The following FBXL13 variants were observed in gnomAD, a reference collection of about 807,000 sequenced individuals.
The protein encoded by FBXL13 is F-box and leucine rich repeat protein 13, also known as F-box and leucine-rich repeat protein 13.
Under a neutral mutation model 83.6 loss-of-function variants are expected in FBXL13, and 67 were observed. The ratio of observed to expected loss-of-function variants is 0.80; its 90% CI spans 0.66 to 0.98. The LOEUF (loss-of-function observed/expected upper bound fraction) is 0.98, where lower values mean the gene tolerates loss of function less well. FBXL13 is among the 50% of genes least tolerant of loss of function. FBXL13 has a pLI of 0.00. For synonymous variants in FBXL13, 272 were observed against 299.5 expected, an observed-to-expected ratio of 0.91 and a Z score of 0.95; for missense variants, 822 against 866.5, an observed-to-expected ratio of 0.95 and a Z score of 0.64.
intron 18 of FBXL13, among the ~76,000 whole-genome samples, chr7:102,832,078 A>G (rs1237298716): frequency 2.0e-5 from 3 of 152,238 alleles, no homozygotes; most frequent in Non-Finnish European, 4.4e-5. Context: ...AAAAATCTAG[A>G]AGAATAAAAT....
At chr7:102,830,714 C>T (rs891707256) in intron 18 of FBXL13, among the ~76,000 whole-genome samples, 6 of 152,132 alleles carry the variant, frequency 3.9e-5, no homozygotes, top group South Asian at 2.1e-4. Flanking sequence ...TTAAATAAAG[C>T]GTAGGGCATC....
At chr7:102,883,279 G>A in intron 14 of FBXL13, 26 bp downstream of exon 15, 1 of 1,586,392 alleles carries the variant, frequency 6.3e-7, no homozygotes, top group Non-Finnish European at 8.6e-7. Flanking sequence ...AACGTTTCTT[G>A]AATATATTAC....
chr7:102,819,651 T>C (rs182558204), intron 19 of FBXL13, among the ~76,000 whole-genome samples: 126 of 152,298 alleles, frequency 8.3e-4, no homozygotes, highest in Non-Finnish European at 3.1e-4. Context: ...GTGGAGAGCA[T>C]TGCTTTGTGA....
chr7:102,999,041 C>T (rs781016589), intron 6 of FBXL13, among the ~76,000 whole-genome samples: 8 of 151,756 alleles, frequency 5.3e-5, no homozygotes, highest in Non-Finnish European at 1.0e-4. Context: ...TTCAGTACGA[C>T]GTTAGTTGTG....
At chr7:103,019,672 A>G (rs983711262) in intron 6 of FBXL13, among the ~76,000 whole-genome samples, 1 of 152,238 alleles carries the variant, frequency 6.6e-6, no homozygotes, top group Non-Finnish European at 1.5e-5. Context: ...AATACAAACT[A>G]CCATCAGAGA....
chr7:102,948,741 T>A (rs1822943605), intron 8 of FBXL13, among the ~76,000 whole-genome samples: 1 of 149,792 alleles, frequency 6.7e-6, no homozygotes, highest in African/African-American at 2.5e-5. Flanking sequence ...TGACACAGTC[T>A]CGCTCTGTCA....
chr7:102,878,689 A>G (rs1024207934), intron 14 of FBXL13, among the ~76,000 whole-genome samples: 2 of 152,168 alleles, frequency 1.3e-5, no homozygotes, highest in Non-Finnish European at 2.9e-5. Flanking sequence ...TCCTTTGTTC[A>G]TAATTTTTAA....
At chr7:102,934,556 GAA>G in intron 8 of FBXL13, 1 of 1,472,516 alleles carries the variant, frequency 6.8e-7, no homozygotes, top group Non-Finnish European at 9.0e-7. Flanking sequence ...GTGTAATGAA[GAA>G]GAAAAGGAAC....
At chr7:102,982,550 G>A (rs1294887991) in intron 6 of FBXL13, among the ~76,000 whole-genome samples, 1 of 152,078 alleles carries the variant, frequency 6.6e-6, no homozygotes, top group Non-Finnish European at 1.5e-5. Context: ...TCAGAGTAGT[G>A]GTAAAAACTA....
At position 102,848,425 on chromosome 7, in the gene FBXL13, G is replaced by A. The variant is rs1478358706; in HGVS notation, c.1719+6352C>T. ...CAAAAAATTAGCCGGGCGTAGTGGC[G>A]GGCGCCTGTAGTCCCAGCTACTCGG... On this transcript the variant is annotated intron_variant, in intron 17 of 19. Coordinates refer to ENST00000313221, the Ensembl canonical transcript of FBXL13. Among the ~76,000 whole-genome samples the A allele has an allele frequency of 6.1e-5, 6 of 98,832 alleles. 1 individual carries two copies. Among genetic ancestry groups the A allele is most frequent in the Non-Finnish European group, 9.3e-5 (5 of 53,626 alleles). 64.8% of individuals were successfully genotyped at this position (98,832 alleles called of 152,430 possible).
intron 2 of FBXL13, among the ~76,000 whole-genome samples, chr7:103,042,211 C>G (rs1795791411): frequency 6.6e-6 from 1 of 152,134 alleles, no homozygotes; most frequent in Admixed American, 6.5e-5. Context: ...CATGAGTGAA[C>G]TCCCATTCAC....
At chr7:103,060,924 C>T (rs114734175) in intron 1 of FBXL13, among the ~76,000 whole-genome samples, 1,740 of 152,200 alleles carry the variant, frequency 0.011, 35 homozygotes, top group African/African-American at 0.039. Flanking sequence ...CCCTGTGGGA[C>T]GGAGATGGAG....
chr7:102,947,367 CAT>C (rs1822705788), intron 8 of FBXL13, among the ~76,000 whole-genome samples: 1 of 152,152 alleles, frequency 6.6e-6, no homozygotes, highest in African/African-American at 2.4e-5. Context: ...GGTTGATTTT[CAT>C]ATTCAATTTA....
intron 10 of FBXL13, 102 bp downstream of exon 11, chr7:102,926,172 G>T: frequency 1.2e-6 from 1 of 854,716 alleles, no homozygotes; most frequent in Non-Finnish European, 1.8e-6. Context: ...ACAGTGGTGG[G>T]GTGTTGATAA....
intron 2 of FBXL13, among the ~76,000 whole-genome samples, chr7:103,050,860 G>C (rs1361621937): frequency 6.6e-6 from 1 of 152,216 alleles, no homozygotes; most frequent in Non-Finnish European, 1.5e-5. Flanking sequence ...TCAGCAAAAA[G>C]TACAAGACAG....
At chr7:103,047,271 A>G (rs1055822536) in intron 2 of FBXL13, among the ~76,000 whole-genome samples, 3 of 151,980 alleles carry the variant, frequency 2.0e-5, no homozygotes, top group Admixed American at 2.0e-4. Context: ...TATCTTTTCC[A>G]TGATGAGTCA....
chr7:103,074,316 A>G, exon 1 of FBXL13: 1 of 1,017,888 alleles, frequency 9.8e-7, no homozygotes. Flanking sequence ...CATTCTTCAT[A>G]ATGCCAGTCT....
chr7:102,925,327 T>C (rs552934220), intron 10 of FBXL13, among the ~76,000 whole-genome samples: 2 of 152,230 alleles, frequency 1.3e-5, no homozygotes, highest in South Asian at 2.1e-4. Context: ...GCCAGGAGAT[T>C]GAGGCTGCCG....
At chr7:102,915,080 T>G (rs1032292986) in intron 10 of FBXL13, among the ~76,000 whole-genome samples, 1 of 151,886 alleles carries the variant, frequency 6.6e-6, no homozygotes, top group South Asian at 2.1e-4. Context: ...CTCCCTAATC[T>G]CTCAGAGATT....
Sources: gnomAD v4.1 joint callset for allele counts (sites outside exome capture counted in the v4.1 genomes callset) on GRCh38, gnomAD v4.1.1 for gene constraint, MANE v1.5 for transcripts, NCBI Gene and HGNC (gene_info 2026-07-23, HGNC 2026-07-21) for gene names.